Variants in TCF4 observed in about 807,000 individuals in gnomAD.
TCF4 encodes SL3-3 enhancer factor 2.
Under a neutral mutation model 82.1 loss-of-function variants are expected in TCF4, and 3 were observed. That is an observed-to-expected ratio of 0.04 (90% CI 0.02 to 0.09). TCF4 has a LOEUF of 0.09. Ranked by LOEUF, TCF4 falls within the 10% of genes least tolerant of loss-of-function variation. TCF4 has a pLI of 1.00. For synonymous variants in TCF4, 276 were observed against 309.6 expected (o/e 0.89, Z 1.14); for missense variants, 518 against 852.7 (o/e 0.61, Z 4.89).
At chr18:55,377,558 C>A (rs1213114714) in intron 6 of TCF4, among the ~76,000 whole-genome samples, 2 of 152,168 alleles carry the variant, frequency 1.3e-5, no homozygotes, top group Admixed American at 1.3e-4. Flanking sequence ...ATACAAATAG[C>A]CACTTGGCCT....
chr18:55,438,556 C>T (rs1255843835), intron 5 of TCF4, among the ~76,000 whole-genome samples: 1 of 152,192 alleles, frequency 6.6e-6, no homozygotes, highest in Non-Finnish European at 1.5e-5. Context: ...TTCAGAGACA[C>T]CTGAACATGG....
chr18:55,406,603 ACTAT>A (rs1170128156), intron 5 of TCF4, among the ~76,000 whole-genome samples: 1 of 152,144 alleles, frequency 6.6e-6, no homozygotes, highest in African/African-American at 2.4e-5. Flanking sequence ...TCCTTAAGTA[ACTAT>A]CTGTGCTCAT....
chr18:55,512,608 G>C lies in TCF4; in HGVS notation c.146-48471C>G, dbSNP rs546963564. On this transcript the variant is annotated intron_variant, in intron 3 of 19. Transcript: ENST00000354452. ...GTCTATAGACAGATATTTAATTATAGTTTCAAATTTCAAGGATCTCATAGT... is the reference window on the plus strand; with the variant it reads ...GTCTATAGACAGATATTTAATTATACTTTCAAATTTCAAGGATCTCATAGT... Among the ~76,000 whole-genome samples the C allele has an allele frequency of 3.3e-5, 5 of 152,074 alleles. No homozygotes were observed. The East Asian group carries it at 9.7e-4, about 29-fold the overall frequency.
intron 6 of TCF4, among the ~76,000 whole-genome samples, chr18:55,380,831 T>A (rs1979854721): frequency 6.6e-6 from 1 of 152,186 alleles, no homozygotes. Context: ...CCACAGATTG[T>A]GAGTCAGTTT....
At chr18:55,622,927 G>A (rs998294770) in intron 2 of TCF4, among the ~76,000 whole-genome samples, 5 of 151,308 alleles carry the variant, frequency 3.3e-5, no homozygotes, top group African/African-American at 1.2e-4. Context: ...GGGAGTGGGG[G>A]AAATGGGAAA....
chr18:55,505,640 T>C (rs973803595), intron 3 of TCF4, among the ~76,000 whole-genome samples: 1 of 151,228 alleles, frequency 6.6e-6, no homozygotes, highest in African/African-American at 2.4e-5. Flanking sequence ...CCGTCTCTAC[T>C]AAAAATACAA....
At chr18:55,373,329 C>T (rs1480632721) in intron 6 of TCF4, among the ~76,000 whole-genome samples, 1 of 151,894 alleles carries the variant, frequency 6.6e-6, no homozygotes, top group African/African-American at 2.4e-5. Context: ...AACCTATAGT[C>T]CACCAAAAAT....
chr18:55,588,670 C>CA (rs1221477221), upstream of TCF4: 2 of 1,312,432 alleles, frequency 1.5e-6, no homozygotes, highest in Admixed American at 7.2e-5. Context: ...ACACGTGATG[C>CA]AAAAAGACTT....
At chr18:55,492,020 T>C (rs2096582207) in intron 3 of TCF4, among the ~76,000 whole-genome samples, 1 of 152,178 alleles carries the variant, frequency 6.6e-6, no homozygotes, top group Non-Finnish European at 1.5e-5. Context: ...TTGTTCCGAT[T>C]GGTGCAAATT....
intron 6 of TCF4, chr18:55,400,879 A>G (rs1028301888): frequency 9.8e-7 from 1 of 1,019,016 alleles, no homozygotes; most frequent in Non-Finnish European, 1.3e-6. Context: ...ATACACTGTT[A>G]TAATACGATA....
At chr18:55,363,009 T>C (rs2085880684) in intron 6 of TCF4, among the ~76,000 whole-genome samples, 1 of 152,192 alleles carries the variant, frequency 6.6e-6, no homozygotes, top group Non-Finnish European at 1.5e-5. Context: ...TAAATGTGAT[T>C]GGATGACTCA....
intron 8 of TCF4, among the ~76,000 whole-genome samples, chr18:55,289,153 T>G (rs912901047): frequency 3.9e-5 from 6 of 152,206 alleles, no homozygotes; most frequent in African/African-American, 1.4e-4. Flanking sequence ...GCTAAAGATC[T>G]CTTGAAACAC....
chr18:55,362,433 G>A (rs1293225367), intron 6 of TCF4, among the ~76,000 whole-genome samples: 4 of 133,922 alleles, frequency 3.0e-5, no homozygotes, highest in African/African-American at 8.5e-5. Flanking sequence ...AAGGAAGGAA[G>A]GAAAAAAAAA....
At chr18:55,333,242 T>C (rs934604708) in intron 8 of TCF4, among the ~76,000 whole-genome samples, 1 of 152,184 alleles carries the variant, frequency 6.6e-6, no homozygotes, top group Non-Finnish European at 1.5e-5. Context: ...AATTTTCAGA[T>C]ACTTGTAAGG....
intron 3 of TCF4, among the ~76,000 whole-genome samples, chr18:55,474,923 G>A (rs1342503342): frequency 6.6e-6 from 1 of 151,944 alleles, no homozygotes; most frequent in African/African-American, 2.4e-5. Context: ...TGCCACACCA[G>A]GCTAATTTTA....
intron 3 of TCF4, among the ~76,000 whole-genome samples, chr18:55,562,512 G>A (rs537639960): frequency 5.9e-5 from 9 of 152,156 alleles, no homozygotes; most frequent in Non-Finnish European, 1.2e-4. Flanking sequence ...CCCTAGGGAA[G>A]TTCTGGACAA....
chr18:55,420,966 G>T (rs1342034171), intron 5 of TCF4, among the ~76,000 whole-genome samples: 1 of 149,506 alleles, frequency 6.7e-6, no homozygotes, highest in Non-Finnish European at 1.5e-5. Flanking sequence ...TGTGTGAAAA[G>T]AAAATAAAAA....
intron 8 of TCF4, among the ~76,000 whole-genome samples, chr18:55,283,478 G>A (rs1357656940): frequency 6.6e-6 from 1 of 152,156 alleles, no homozygotes; most frequent in Non-Finnish European, 1.5e-5. Flanking sequence ...TTACTCATTT[G>A]TTTAGGGCCT....
intron 1 of TCF4, chr18:55,631,469 G>C: frequency 7.0e-7 from 1 of 1,437,368 alleles, no homozygotes; most frequent in South Asian, 1.3e-5. Context: ...GTAGTCTGGG[G>C]AAGAAATGAT....
Sources: allele counts gnomAD v4.1 joint callset (sites outside exome capture counted in the v4.1 genomes callset), GRCh38; gene constraint gnomAD v4.1.1; transcripts MANE v1.5; gene names NCBI Gene and HGNC (gene_info 2026-07-23, HGNC 2026-07-21).